STYXL2: variants seen among roughly 807,000 people sequenced by gnomAD.
STYXL2 encodes the protein serine/threonine/tyrosine interacting like 2, also known as serine/threonine/tyrosine-interacting-like protein 2.
STYXL2 carries 44 observed loss-of-function variants against 52.4 expected under a neutral mutation model. The observed-to-expected ratio is 0.84, with a 90% CI of 0.66 to 1.08. The LOEUF (loss-of-function observed/expected upper bound fraction) is 1.08. Among genes scored for constraint, STYXL2 ranks in the 50% least tolerant of loss-of-function variants. The pLI, the probability that STYXL2 is intolerant of heterozygous loss-of-function variation, is 0.00. For synonymous variants in STYXL2, 604 were observed against 586.9 expected, an observed-to-expected ratio of 1.03 and a Z score of -0.42; for missense variants, 1,604 against 1,471.7, an observed-to-expected ratio of 1.09 and a Z score of -1.47.
intron 2 of STYXL2, among the ~76,000 whole-genome samples, chr1:167,096,723 A>C (rs1667292413): frequency 6.6e-6 from 1 of 152,240 alleles, no homozygotes; most frequent in Admixed American, 6.5e-5. Context: ...AATAAGGCCC[A>C]TGAGCCCAAG....
At chr1:167,109,693 G>A (rs1240169854) in intron 2 of STYXL2, among the ~76,000 whole-genome samples, 1 of 152,126 alleles carries the variant, frequency 6.6e-6, no homozygotes, top group Non-Finnish European at 1.5e-5. Flanking sequence ...CTTAGGACAA[G>A]TTTGTTTCCC....
chr1:167,128,780 G>C lies in STYXL2; in HGVS notation c.*172G>C. 1 of 1,058,616 alleles carries C rather than the reference G, an allele frequency of 9.4e-7. No homozygotes were observed. Among genetic ancestry groups the C allele is most frequent in the Non-Finnish European group, 1.3e-6 (1 of 762,218 alleles). The allele number at this position is 1,058,616 out of a possible 1,614,324, so 65.6% of individuals were successfully genotyped here. ...GGCAGCAGAGGTGGAGTAGGGAGGAGGCAAGGAGGGGGAGAACCATCAATA... is the reference window on the plus strand; with the variant it reads ...GGCAGCAGAGGTGGAGTAGGGAGGACGCAAGGAGGGGGAGAACCATCAATA... On this transcript the variant is annotated 3_prime_UTR_variant, in exon 6 of 6. Coordinates refer to ENST00000361200, the MANE Select transcript of STYXL2 (RefSeq NM_001080426.3).
At position 167,126,581 on chromosome 1, in the gene STYXL2, C is replaced by T; in HGVS notation, c.1450C>T (p.Leu484=). Residue 484 remains leucine (L), a synonymous_variant, in exon 6 of 6, where the codon CTG becomes TTG. Coordinates refer to ENST00000361200, the MANE Select transcript of STYXL2 (RefSeq NM_001080426.3). ...ESTWDAWNER[L]LEIEKEASRR... ...CACCTGGGACGCATGGAACGAGAGG[C>T]TGCTGGAGATTGAGAAGGAGGCTTC... 7 of 1,614,048 alleles carry T rather than the reference C, an allele frequency of 4.3e-6. No homozygotes were observed. The highest frequency in any genetic ancestry group is 5.9e-6 in the Non-Finnish European group (7 of 1,180,016).
intron 3 of STYXL2, among the ~76,000 whole-genome samples, chr1:167,116,468 G>C (rs932138413): frequency 2.0e-5 from 3 of 152,022 alleles, no homozygotes; most frequent in Non-Finnish European, 4.4e-5. Flanking sequence ...GACAATACAA[G>C]AAATAAATCA....
At chr1:167,095,725 A>G (rs1434661527) in intron 2 of STYXL2, among the ~76,000 whole-genome samples, 2 of 152,234 alleles carry the variant, frequency 1.3e-5, no homozygotes, top group Non-Finnish European at 2.9e-5. Context: ...CTGACTTTTA[A>G]TCACATCTCT....
At chr1:167,112,452 G>T (rs977750053) in intron 2 of STYXL2, among the ~76,000 whole-genome samples, 2 of 152,192 alleles carry the variant, frequency 1.3e-5, no homozygotes, top group Non-Finnish European at 2.9e-5. Flanking sequence ...GCTTTGTTCA[G>T]CTCATCGGGA....
At position 167,126,481 on chromosome 1, in the gene STYXL2, C is replaced by T. The variant is rs139389530; in HGVS notation, c.1350C>T (p.Val450=). 943 of 1,605,136 alleles carry T rather than the reference C, an allele frequency of 5.9e-4. 4 individuals are homozygous for T. In the Middle Eastern group the frequency reaches 0.016, roughly 27 times the overall value. The part of the protein sequence containing the change: ...WESVSSHDIW[V]LKQQLELNRP... ...GCGTGAGCAGCCACGACATCTGGGTCCTGAAGCAGCAGCTGGAGCTGAACC... is the reference window on the plus strand; with the variant it reads ...GCGTGAGCAGCCACGACATCTGGGTTCTGAAGCAGCAGCTGGAGCTGAACC... The change falls in exon 6 of 6, where the codon GTC becomes GTT. Residue 450 remains valine, a synonymous_variant. Transcript: ENST00000361200.
chr1:167,104,013 A>G (rs1374592078), intron 2 of STYXL2, among the ~76,000 whole-genome samples: 2 of 152,058 alleles, frequency 1.3e-5, no homozygotes, highest in Non-Finnish European at 2.9e-5. Context: ...CCAGCTGCTC[A>G]GGAGGCTGAG....
chr1:167,113,657 C>A, intron 2 of STYXL2, 53 bp from the exon 3 acceptor site: 3 of 1,327,772 alleles, frequency 2.3e-6, no homozygotes, highest in Non-Finnish European at 3.3e-6. Context: ...TAAAAGAATG[C>A]CTTCAGTTCA....
chr1:167,113,687 A>C, intron 2 of STYXL2, 23 bp from the exon 3 acceptor site: 1 of 1,566,934 alleles, frequency 6.4e-7, no homozygotes, highest in Non-Finnish European at 8.8e-7. Flanking sequence ...GGCTTATCTC[A>C]CGTGAATATC....
rs753849128 is a variant in STYXL2 at position 167,117,447 on chromosome 1, C to T, written c.325C>T (p.Leu109Phe). ...CAGGGAGAAGATGGATGACACCAGC[C>T]TCTATAATACGCCCTGTGTCCTGGA... Reference protein sequence around the residue: ...RVREKMDDTSLYNTPCVLDLQ... With the variant: ...RVREKMDDTSFYNTPCVLDLQ... Residue 109 changes from leucine (L) to phenylalanine (F), a missense_variant, in exon 4 of 6, where the codon CTC becomes TTC. Leu to Phe is a conservative substitution (Grantham distance 22, BLOSUM62 0). Transcript: ENST00000361200. The T allele has an allele frequency of 3.7e-6, 6 of 1,612,720 alleles. No individual in the cohort carries two copies. In the South Asian group the frequency reaches 6.6e-5, roughly 18 times the overall value.
intron 2 of STYXL2, 64 bp from the exon 3 acceptor site, chr1:167,113,646 C>T: frequency 7.9e-7 from 1 of 1,272,692 alleles, no homozygotes; most frequent in South Asian, 1.2e-5. Flanking sequence ...GGTTTCTCAT[C>T]TAAAAGAATG....
chr1:167,099,848 G>A (rs559259295), intron 2 of STYXL2, among the ~76,000 whole-genome samples: 1 of 152,334 alleles, frequency 6.6e-6, no homozygotes, highest in East Asian at 1.9e-4. Context: ...TAGTCATTAA[G>A]GATATAGGAT....
intron 2 of STYXL2, among the ~76,000 whole-genome samples, chr1:167,103,023 A>G (rs751540109): frequency 1.1e-4 from 15 of 139,984 alleles, no homozygotes; most frequent in Non-Finnish European, 1.1e-4. Context: ...ACAGAGCCAC[A>G]CAGCCTCCAA....
At chr1:167,096,993 A>G (rs900129517) in intron 2 of STYXL2, among the ~76,000 whole-genome samples, 1 of 152,234 alleles carries the variant, frequency 6.6e-6, no homozygotes, top group Non-Finnish European at 1.5e-5. Context: ...AACAGCTACC[A>G]TTTTATAAAA....
chr1:167,101,800 C>CAAAAAA (rs35645209), intron 2 of STYXL2, among the ~76,000 whole-genome samples: 2 of 141,092 alleles, frequency 1.4e-5, no homozygotes, highest in Non-Finnish European at 1.5e-5. Context: ...CAGTCCATCT[C>CAAAAAA]AAAAAAGAAA....
intron 5 of STYXL2, among the ~76,000 whole-genome samples, chr1:167,124,789 G>A (rs1040886479): frequency 6.6e-6 from 1 of 152,116 alleles, no homozygotes; most frequent in Non-Finnish European, 1.5e-5. Context: ...AAGATAACTT[G>A]AGTTCATTGT....
At chr1:167,102,890 C>T (rs1174814407) in intron 2 of STYXL2, among the ~76,000 whole-genome samples, 1 of 145,462 alleles carries the variant, frequency 6.9e-6, no homozygotes, top group Non-Finnish European at 1.5e-5. Context: ...CCACCGGACT[C>T]TTAGTCCTTG....
intron 2 of STYXL2, among the ~76,000 whole-genome samples, chr1:167,106,538 A>G (rs1470952809): frequency 1.3e-5 from 2 of 152,246 alleles, no homozygotes; most frequent in African/African-American, 2.4e-5. Context: ...TAAAATGATT[A>G]ATGTTTTGTT....
Sources: gnomAD v4.1 joint callset for allele counts (sites outside exome capture counted in the v4.1 genomes callset) on GRCh38, gnomAD v4.1.1 for gene constraint, MANE v1.5 for transcripts, NCBI Gene and HGNC (gene_info 2026-07-23, HGNC 2026-07-21) for gene names.